The following LRRC4C variants were observed in gnomAD, a reference collection of about 807,000 sequenced individuals.
LRRC4C encodes the protein leucine rich repeat containing 4C, also known as leucine-rich repeat-containing protein 4C.
A neutral mutation model predicts 33.6 loss-of-function variants in LRRC4C; 5 were observed. The ratio of observed to expected loss-of-function variants is 0.15; its 90% CI spans 0.08 to 0.31. LRRC4C has a LOEUF of 0.31. LRRC4C is among the 10% of genes least tolerant of loss of function. The pLI is 1.00. For synonymous variants in LRRC4C, 329 were observed against 302.0 expected (o/e 1.09, Z -0.93); for missense variants, 560 against 796.7 (o/e 0.70, Z 3.58).
At chr11:40,166,013 A>G (rs952545118) in intron 5 of LRRC4C, among the ~76,000 whole-genome samples, 20 of 152,196 alleles carry the variant, frequency 1.3e-4, no homozygotes. Flanking sequence ...AAACTGGTAC[A>G]ACCATTTTAG....
chr11:41,226,666 C>A (rs1239326117), intron 1 of LRRC4C, among the ~76,000 whole-genome samples: 2 of 151,366 alleles, frequency 1.3e-5, no homozygotes, highest in African/African-American at 2.4e-5. Flanking sequence ...AGTGCTCTAC[C>A]TTTGTTCCTG....
At chr11:41,028,730 T>C (rs1015627529) in intron 1 of LRRC4C, among the ~76,000 whole-genome samples, 2 of 151,614 alleles carry the variant, frequency 1.3e-5, no homozygotes, top group Admixed American at 6.6e-5. Context: ...TAATTTTACT[T>C]TTCTGACTCT....
chr11:40,602,907 T>A (rs2135820038), intron 3 of LRRC4C, among the ~76,000 whole-genome samples: 1 of 152,286 alleles, frequency 6.6e-6, no homozygotes, highest in African/African-American at 2.4e-5. Context: ...AATTCCTGAA[T>A]CTGCCTTTGT....
chr11:41,420,369 A>AT (rs34485669), intron 1 of LRRC4C, among the ~76,000 whole-genome samples: 1 of 151,902 alleles, frequency 6.6e-6, no homozygotes, highest in African/African-American at 2.4e-5. Flanking sequence ...TTCCATAATC[A>AT]TTTTTTCCAC....
chr11:40,229,542 G>C (rs1335681176), intron 5 of LRRC4C, among the ~76,000 whole-genome samples: 1 of 151,980 alleles, frequency 6.6e-6, no homozygotes, highest in Non-Finnish European at 1.5e-5. Flanking sequence ...CAAAGGGCTG[G>C]GATTACAGGT....
intron 5 of LRRC4C, among the ~76,000 whole-genome samples, chr11:40,214,220 C>T (rs980257018): frequency 6.6e-6 from 1 of 152,106 alleles, no homozygotes; most frequent in African/African-American, 2.4e-5. Context: ...TATGTAAATC[C>T]TGTCCTTATG....
At chr11:40,749,780 A>G (rs1948594936) in intron 2 of LRRC4C, among the ~76,000 whole-genome samples, 1 of 152,126 alleles carries the variant, frequency 6.6e-6, no homozygotes, top group Admixed American at 6.5e-5. Flanking sequence ...GAAATGAAAC[A>G]TCACAACTGA....
chr11:40,172,830 G>A (rs1459417137), intron 5 of LRRC4C, among the ~76,000 whole-genome samples: 1 of 152,044 alleles, frequency 6.6e-6, no homozygotes, highest in African/African-American at 2.4e-5. Context: ...TTAAGTCCCA[G>A]GGCCTCCAAA....
At chr11:40,126,193 A>G (rs1856212122) in intron 6 of LRRC4C, among the ~76,000 whole-genome samples, 2 of 150,580 alleles carry the variant, frequency 1.3e-5, no homozygotes, top group Admixed American at 1.3e-4. Context: ...CTGACTCTGC[A>G]TTTTCATTCT....
chr11:40,432,170 C>A (rs1950960857), intron 3 of LRRC4C, among the ~76,000 whole-genome samples: 1 of 147,142 alleles, frequency 6.8e-6, no homozygotes, highest in South Asian at 2.3e-4. Flanking sequence ...GTTAACCTAA[C>A]CACCCACATG....
intron 3 of LRRC4C, among the ~76,000 whole-genome samples, chr11:40,630,416 TTCTTC>T (rs1368803819): frequency 2.4e-5 from 3 of 123,536 alleles, no homozygotes; most frequent in East Asian, 2.0e-4. Flanking sequence ...ATTCCTCTTC[TTCTTC>T]TTTTTTTTTT....
intron 3 of LRRC4C, among the ~76,000 whole-genome samples, chr11:40,375,533 G>C (rs59650422): frequency 1.3e-5 from 2 of 152,066 alleles, no homozygotes; most frequent in African/African-American, 4.8e-5. Context: ...TTTTGCCAAG[G>C]TCTAACATTT....
At chr11:40,573,428 C>A (rs966280357) in intron 3 of LRRC4C, among the ~76,000 whole-genome samples, 1 of 152,276 alleles carries the variant, frequency 6.6e-6, no homozygotes, top group African/African-American at 2.4e-5. Context: ...ACATTCATGC[C>A]TCTGTGACTT....
chr11:41,101,734 C>G (rs1283224042), intron 1 of LRRC4C, among the ~76,000 whole-genome samples: 2 of 152,072 alleles, frequency 1.3e-5, no homozygotes, highest in Admixed American at 6.6e-5. Context: ...GAAGCAAATA[C>G]ATGGAATCAA....
intron 2 of LRRC4C, among the ~76,000 whole-genome samples, chr11:40,721,854 C>T (rs1192189131): frequency 6.6e-6 from 1 of 152,050 alleles, no homozygotes; most frequent in Non-Finnish European, 1.5e-5. Flanking sequence ...GGCAGGAGAA[C>T]GGCGTGAACC....
At chr11:41,321,876 T>G (rs989718108) in intron 1 of LRRC4C, among the ~76,000 whole-genome samples, 2 of 152,086 alleles carry the variant, frequency 1.3e-5, no homozygotes, top group Non-Finnish European at 2.9e-5. Context: ...GTTTCTTTTT[T>G]TTTTCCAGAT....
intron 2 of LRRC4C, among the ~76,000 whole-genome samples, chr11:40,760,552 C>T (rs1949157669): frequency 6.6e-6 from 1 of 151,754 alleles, no homozygotes; most frequent in African/African-American, 2.4e-5. Context: ...TATTTTAAGG[C>T]TAAGTTAGTT....
intron 3 of LRRC4C, among the ~76,000 whole-genome samples, chr11:40,596,243 A>C (rs1488671025): frequency 6.6e-6 from 1 of 152,226 alleles, no homozygotes; most frequent in African/African-American, 2.4e-5. Context: ...CTATTCCAGC[A>C]AGAGAGAAAT....
intron 1 of LRRC4C, among the ~76,000 whole-genome samples, chr11:41,059,210 G>GTTGTTGTT (rs71060994): frequency 2.4e-5 from 3 of 125,196 alleles, no homozygotes; most frequent in South Asian, 5.1e-4. Flanking sequence ...TAAAATAAAA[G>GTTGTTGTT]TTTTTTTTTT....
Sources: gnomAD v4.1 joint callset for allele counts (sites outside exome capture counted in the v4.1 genomes callset) on GRCh38, gnomAD v4.1.1 for gene constraint, MANE v1.5 for transcripts, NCBI Gene and HGNC (gene_info 2026-07-23, HGNC 2026-07-21) for gene names.